PTPRM: variants seen among roughly 807,000 people sequenced by gnomAD.
PTPRM encodes the protein protein tyrosine phosphatase receptor type M.
PTPRM carries 47 observed loss-of-function variants against 186.7 expected under a neutral mutation model. The observed-to-expected ratio is 0.25, with a 90% CI of 0.20 to 0.32. The LOEUF (loss-of-function observed/expected upper bound fraction) is 0.32, where lower values mean the gene tolerates loss of function less well. Ranked by LOEUF, PTPRM falls within the 10% of genes least tolerant of loss-of-function variation. The pLI, the probability that PTPRM is intolerant of heterozygous loss-of-function variation, is 1.00. For synonymous variants in PTPRM, 668 were observed against 674.9 expected (o/e 0.99, Z 0.16); for missense variants, 1,494 against 1,865.0 (o/e 0.80, Z 3.66).
At chr18:8,113,906 T>C (rs1039557267) in intron 12 of PTPRM, 147 bp downstream of exon 12, 58 of 946,948 alleles carry the variant, frequency 6.1e-5, no homozygotes, top group Non-Finnish European at 7.2e-5. Flanking sequence ...AAAATTATTT[T>C]TGTCTAGAGA....
intron 13 of PTPRM, among the ~76,000 whole-genome samples, chr18:8,141,612 A>G (rs1269245563): frequency 6.6e-6 from 1 of 152,150 alleles, no homozygotes; most frequent in Non-Finnish European, 1.5e-5. Flanking sequence ...TGCTATTTTT[A>G]TATTAAAATG....
intron 7 of PTPRM, among the ~76,000 whole-genome samples, chr18:8,023,480 T>C (rs2085353507): frequency 6.6e-6 from 1 of 152,208 alleles, no homozygotes; most frequent in Admixed American, 6.5e-5. Context: ...ATAGTTTTCA[T>C]TTTAAATAGT....
intron 1 of PTPRM, among the ~76,000 whole-genome samples, chr18:7,577,514 T>G (rs1421674311): frequency 1.3e-5 from 2 of 152,152 alleles, no homozygotes; most frequent in East Asian, 3.9e-4. Context: ...ATGAAATGAA[T>G]TATACCTACA....
At chr18:7,888,889 T>C (rs886400036) in intron 3 of PTPRM, among the ~76,000 whole-genome samples, 13 of 152,152 alleles carry the variant, frequency 8.5e-5, no homozygotes, top group Non-Finnish European at 1.8e-4. Flanking sequence ...ATGCTGCATG[T>C]TTTTACTTAT....
At chr18:7,673,826 G>T (rs748678203) in intron 1 of PTPRM, among the ~76,000 whole-genome samples, 1 of 152,210 alleles carries the variant, frequency 6.6e-6, no homozygotes, top group Non-Finnish European at 1.5e-5. Flanking sequence ...AGCGGTCAAG[G>T]ACATTGGGAA....
chr18:7,715,044 G>C (rs902834072), intron 1 of PTPRM, among the ~76,000 whole-genome samples: 1 of 152,154 alleles, frequency 6.6e-6, no homozygotes, highest in African/African-American at 2.4e-5. Flanking sequence ...ATCTGGCAGA[G>C]ACACAACCAA....
At chr18:8,155,772 C>G (rs1422847474) in intron 14 of PTPRM, among the ~76,000 whole-genome samples, 4 of 152,192 alleles carry the variant, frequency 2.6e-5, no homozygotes, top group Admixed American at 2.6e-4. Flanking sequence ...GTTCCCCCGG[C>G]CTATCCATTT....
At chr18:7,662,008 C>A (rs2038991276) in intron 1 of PTPRM, among the ~76,000 whole-genome samples, 2 of 152,132 alleles carry the variant, frequency 1.3e-5, no homozygotes, top group African/African-American at 4.8e-5. Context: ...GCCTTGAGTT[C>A]CTGGAGTCAG....
intron 30 of PTPRM, among the ~76,000 whole-genome samples, chr18:8,386,139 G>A (rs2095771284): frequency 1.3e-5 from 2 of 152,180 alleles, no homozygotes; most frequent in African/African-American, 4.8e-5. Flanking sequence ...GACATACTAG[G>A]TTTGGGATGA....
intron 3 of PTPRM, among the ~76,000 whole-genome samples, chr18:7,902,955 G>A (rs993263873): frequency 4.6e-5 from 7 of 151,536 alleles, no homozygotes; most frequent in East Asian, 3.9e-4. Flanking sequence ...AGATTCACAC[G>A]AGCACGTCTC....
intron 29 of PTPRM, among the ~76,000 whole-genome samples, chr18:8,383,561 T>C (rs1369453174): frequency 6.6e-6 from 1 of 152,050 alleles, no homozygotes; most frequent in Admixed American, 6.5e-5. Flanking sequence ...CTGCCCTGAG[T>C]TGTGCATTTA....
At chr18:8,059,388 T>A in intron 7 of PTPRM, among the ~76,000 whole-genome samples, 1 of 71,418 alleles carries the variant, frequency 1.4e-5, no homozygotes, top group African/African-American at 6.3e-5. Flanking sequence ...TAAACAATCA[T>A]GTCGTCTGCA....
At chr18:8,243,220 C>A (rs1188874024) in intron 14 of PTPRM, among the ~76,000 whole-genome samples, 1 of 152,156 alleles carries the variant, frequency 6.6e-6, no homozygotes, top group African/African-American at 2.4e-5. Context: ...GAGCAGGATG[C>A]AGAGGCCAGG....
chr18:8,063,239 C>G (rs1221860237), intron 7 of PTPRM, among the ~76,000 whole-genome samples: 1 of 151,136 alleles, frequency 6.6e-6, no homozygotes, highest in Non-Finnish European at 1.5e-5. Context: ...GCCCGTCACC[C>G]CTTTCTTTGA....
At chr18:7,573,119 G>A (rs1335068329) in intron 1 of PTPRM, among the ~76,000 whole-genome samples, 2 of 152,224 alleles carry the variant, frequency 1.3e-5, no homozygotes, top group Non-Finnish European at 2.9e-5. Flanking sequence ...GGGTCTGGGA[G>A]TATGTGAGAG....
intron 13 of PTPRM, among the ~76,000 whole-genome samples, chr18:8,131,183 T>C (rs591062): frequency 0.74 from 113,032 of 152,108 alleles, 42,536 homozygotes; most frequent in East Asian, 0.89. Flanking sequence ...GATTTCTTGA[T>C]AGTATGTAGG....
chr18:8,165,180 A>G (rs190126865), intron 14 of PTPRM, among the ~76,000 whole-genome samples: 116 of 151,938 alleles, frequency 7.6e-4, no homozygotes, highest in Middle Eastern at 6.8e-3. Flanking sequence ...AAAAAAAAAA[A>G]AAAGAAAGAA....
chr18:8,298,766 C>G (rs1409622939), intron 20 of PTPRM, among the ~76,000 whole-genome samples: 1 of 152,114 alleles, frequency 6.6e-6, no homozygotes, highest in Non-Finnish European at 1.5e-5. Context: ...GATTCCAACC[C>G]AGGAGCAGCT....
At chr18:7,644,965 A>G (rs996454464) in intron 1 of PTPRM, among the ~76,000 whole-genome samples, 6 of 152,220 alleles carry the variant, frequency 3.9e-5, no homozygotes, top group African/African-American at 1.4e-4. Flanking sequence ...CTTCTGTGCT[A>G]ATGCTTACTA....
Sources: gnomAD v4.1 joint callset for allele counts (sites outside exome capture counted in the v4.1 genomes callset) on GRCh38, gnomAD v4.1.1 for gene constraint, MANE v1.5 for transcripts, NCBI Gene and HGNC (gene_info 2026-07-23, HGNC 2026-07-21) for gene names.